DERA: variants seen among roughly 807,000 people sequenced by gnomAD.
The protein encoded by DERA is 2-deoxy-D-ribose 5-phosphate aldolase.
Under a neutral mutation model 41.1 loss-of-function variants are expected in DERA, and 15 were observed. The ratio of observed to expected loss-of-function variants is 0.37; its 90% CI spans 0.24 to 0.56. DERA has a LOEUF of 0.56. Ranked by LOEUF, DERA falls within the 20% of genes least tolerant of loss-of-function variation. The pLI, the probability that DERA is intolerant of heterozygous loss-of-function variation, is 0.81. For synonymous variants in DERA, 139 were observed against 137.4 expected (o/e 1.01, Z -0.08); for missense variants, 396 against 403.4 (o/e 0.98, Z 0.16).
At position 15,981,345 on chromosome 12, in the gene DERA, C is replaced by T. The variant is rs1948731486; in HGVS notation, c.509-963C>T. On this transcript the variant is annotated intron_variant, in intron 5 of 8. Coordinates refer to ENST00000428559, the MANE Select transcript of DERA (RefSeq NM_015954.4). The surrounding 1 kb of genome is among the most constrained non-coding windows in gnomAD (Gnocchi z 6.1). ...CCTGGGTGACAGAGCAAGACTCCATCTCAAAAACCAAAAAACAAAAAACAA... is the reference window on the plus strand; with the variant it reads ...CCTGGGTGACAGAGCAAGACTCCATTTCAAAAACCAAAAAACAAAAAACAA... 6.6e-6 allele frequency among the ~76,000 whole-genome samples: 1 copy of T among 152,052 alleles called. No homozygotes were observed. The highest frequency in any genetic ancestry group is 1.9e-4 in the East Asian group (1 of 5,188).
rs1323304861 is a variant in DERA at position 15,959,347 on chromosome 12, A to T, written c.278-482A>T. Among the ~76,000 whole-genome samples, 9 of 152,134 alleles carry T rather than the reference A, an allele frequency of 5.9e-5. No homozygotes were observed. The highest frequency in any genetic ancestry group is 5.9e-4 in the Admixed American group (9 of 15,268). Reference sequence around the variant, plus strand: ...CTTAAAATCAGGGCTTCCGTTTCAGATTTTATTATTTCTTGCAAAAGAGGG... The same window carrying T: ...CTTAAAATCAGGGCTTCCGTTTCAGTTTTTATTATTTCTTGCAAAAGAGGG... On this transcript the variant is annotated intron_variant, in intron 3 of 8. Coordinates refer to ENST00000428559, the MANE Select transcript of DERA (RefSeq NM_015954.4). This position sits in a 1 kb window ranked among gnomAD's most constrained non-coding sequence, Gnocchi z 4.5.
chr12:15,927,884 T>C (rs904721468), intron 1 of DERA, among the ~76,000 whole-genome samples: 1 of 152,188 alleles, frequency 6.6e-6, no homozygotes, highest in Non-Finnish European at 1.5e-5. Flanking sequence ...TAGATTGATA[T>C]GGCATGGAAT....
rs1275055186 is a variant in DERA, at chr12:15,957,955, A to G, written c.130-233A>G. The stretch of plus-strand genomic sequence containing the variant: ...TTTCAATTTGGGATATCTGTGGGAG[A>G]AAAAAAATGTTTAAGCCTACTCTTC... On this transcript the variant is annotated intron_variant, in intron 2 of 8. Coordinates refer to ENST00000428559, the MANE Select transcript of DERA (RefSeq NM_015954.4). The surrounding 1 kb of genome is among the most constrained non-coding windows in gnomAD (Gnocchi z 4.8). Among the ~76,000 whole-genome samples, 1 of 151,810 alleles carries G rather than the reference A, an allele frequency of 6.6e-6. No homozygotes were observed. Among genetic ancestry groups the G allele is most frequent in the Non-Finnish European group, 1.5e-5 (1 of 67,936 alleles).
At chr12:15,912,735 G>A (rs1343139653) in intron 1 of DERA, among the ~76,000 whole-genome samples, 4 of 152,178 alleles carry the variant, frequency 2.6e-5, no homozygotes, top group Admixed American at 2.0e-4. Flanking sequence ...TAAATTATAT[G>A]TAACACATAC....
chr12:15,998,478 C>T lies in DERA; in HGVS notation c.637+16042C>T, dbSNP rs143582496. 3.2e-3 allele frequency among the ~76,000 whole-genome samples: 485 copies of T among 152,122 alleles called. 4 individuals carry two copies. Among genetic ancestry groups the T allele is most frequent in the African/African-American group, 0.011 (466 of 41,504 alleles). ...GATTACAGGCATCCACCACCATGCC[C>T]GGCTAATTTTCTATTTTTAGTAGAG... is the stretch of plus-strand genomic sequence containing the variant. On this transcript the variant is annotated intron_variant, in intron 6 of 8. Coordinates refer to ENST00000428559, the MANE Select transcript of DERA (RefSeq NM_015954.4). The surrounding 1 kb of genome is among the most constrained non-coding windows in gnomAD (Gnocchi z 4.8).
Position 16,010,640 on chromosome 12 carries a change from A to C in DERA, c.638-21902A>C, listed in dbSNP as rs1199206309. Among the ~76,000 whole-genome samples, 1 of 151,946 alleles carries C rather than the reference A, an allele frequency of 6.6e-6. No individual in the cohort carries two copies. The highest frequency in any genetic ancestry group is 6.6e-5 in the Admixed American group (1 of 15,262). ...TTATGAACAGAAGGAGAGAGGCTGC[A>C]TTGTCTCTATAAGTGGTTAGTAAGT... On this transcript the variant is annotated intron_variant, in intron 6 of 8. Coordinates refer to ENST00000428559, the MANE Select transcript of DERA (RefSeq NM_015954.4). This position sits in a 1 kb window ranked among gnomAD's most constrained non-coding sequence, Gnocchi z 5.5.
Position 16,012,581 on chromosome 12 carries a change from A to G in DERA, c.638-19961A>G, listed in dbSNP as rs1314489034. On this transcript the variant is annotated intron_variant, in intron 6 of 8. Coordinates refer to ENST00000428559, the MANE Select transcript of DERA (RefSeq NM_015954.4). The surrounding 1 kb of genome is among the most constrained non-coding windows in gnomAD (Gnocchi z 4.1). ...GGAGCAGAGCCGAGTTGTTTAGACA[A>G]GAGAGAATAGTCAAGTGCTGTCACA... is the stretch of plus-strand genomic sequence containing the variant. Among the ~76,000 whole-genome samples the G allele has an allele frequency of 6.6e-6, 1 of 152,212 alleles. No homozygotes were observed. The highest frequency in any genetic ancestry group is 1.5e-5 in the Non-Finnish European group (1 of 68,030).
In DERA at chr12:15,976,747, T is replaced by G. The variant is rs1358686253; in HGVS notation, c.509-5561T>G. 6.6e-6 allele frequency among the ~76,000 whole-genome samples: 1 copy of G among 152,220 alleles called. No individual in the cohort carries two copies. The highest frequency in any genetic ancestry group is 2.4e-5 in the African/African-American group (1 of 41,458). On this transcript the variant is annotated intron_variant, in intron 5 of 8. Coordinates refer to ENST00000428559, the MANE Select transcript of DERA (RefSeq NM_015954.4). The surrounding 1 kb of genome is among the most constrained non-coding windows in gnomAD (Gnocchi z 4.1). ...ACCGTTTTAATACTTTTATATTTATTGGCAGAATTTGAGAAGGGTTTGAGC... is the reference window on the plus strand; with the variant it reads ...ACCGTTTTAATACTTTTATATTTATGGGCAGAATTTGAGAAGGGTTTGAGC...
rs1192165466 is a variant in DERA, at chr12:16,011,830, TATAATA to T, written c.638-20706_638-20701del. ...TATTTTGTTCAAACTATTATACCTA[TATAATA>T]ATAATGCCTGTGGATATTTCTGGCA... is the stretch of plus-strand genomic sequence containing the variant. On this transcript the variant is annotated intron_variant, in intron 6 of 8. Transcript: ENST00000428559. This position sits in a 1 kb window ranked among gnomAD's most constrained non-coding sequence, Gnocchi z 4.7. 6.6e-6 allele frequency among the ~76,000 whole-genome samples: 1 copy of T among 152,200 alleles called. No homozygotes were observed. The highest frequency in any genetic ancestry group is 1.5e-5 in the Non-Finnish European group (1 of 68,028).
At position 15,911,370 on chromosome 12, in the gene DERA, G is replaced by A. The variant is rs962845662; in HGVS notation, c.-14G>A. On this transcript the variant is annotated 5_prime_UTR_variant, in exon 1 of 9. Transcript: ENST00000428559. This position sits in a 1 kb window ranked among gnomAD's most constrained non-coding sequence, Gnocchi z 4.5. ...GGGCGCCTACCAGCCGGCAGCTCCG[G>A]AGCTGCCCGCGCCATGTCCGCGCAC... 1.1e-5 allele frequency: 16 copies of A among 1,413,330 alleles called. No homozygotes were observed. Among genetic ancestry groups the A allele is most frequent in the Non-Finnish European group, 1.2e-5 (13 of 1,097,054 alleles). The allele number at this position is 1,413,330 out of a possible 1,614,324, so 87.5% of individuals were successfully genotyped here. A position where few individuals can be genotyped will look rare whatever the true frequency, so the allele number is the denominator to read the frequency against.
intron 1 of DERA, among the ~76,000 whole-genome samples, chr12:15,926,641 C>T (rs1948286777): frequency 1.3e-5 from 2 of 149,984 alleles, no homozygotes; most frequent in Admixed American, 1.3e-4. Flanking sequence ...GAGGCTGAGG[C>T]AGGGGAATGG....
chr12:16,020,184 A>C lies in DERA; in HGVS notation c.638-12358A>C, dbSNP rs1333718480. The stretch of plus-strand genomic sequence containing the variant: ...TATAAATTACCCAATGTATTAGTCC[A>C]CAGGCTGTGCAGGAAGCATGGCTGG... On this transcript the variant is annotated intron_variant, in intron 6 of 8. Transcript: ENST00000428559. This position sits in a 1 kb window ranked among gnomAD's most constrained non-coding sequence, Gnocchi z 5.5. 6.6e-6 allele frequency among the ~76,000 whole-genome samples: 1 copy of C among 152,152 alleles called. No individual in the cohort carries two copies. Among genetic ancestry groups the C allele is most frequent in the Non-Finnish European group, 1.5e-5 (1 of 68,020 alleles).
rs531334805 is a variant in DERA, at chr12:15,938,786, A to T, written c.32-18150A>T. Among the ~76,000 whole-genome samples the T allele has an allele frequency of 1.4e-3, 207 of 152,276 alleles. 4 individuals are homozygous for T. Among genetic ancestry groups the T allele is most frequent in the African/African-American group, 4.9e-3 (205 of 41,558 alleles). ...ATAGTAAATATTTTTATAAGACAAA[A>T]CTTGTCAAATAAGATGTTTCTGTTT... On this transcript the variant is annotated intron_variant, in intron 1 of 8. Transcript: ENST00000428559. This position sits in a 1 kb window ranked among gnomAD's most constrained non-coding sequence, Gnocchi z 4.1.
At chr12:15,946,140 T>C (rs1178767392) in intron 1 of DERA, among the ~76,000 whole-genome samples, 1 of 152,228 alleles carries the variant, frequency 6.6e-6, no homozygotes, top group Non-Finnish European at 1.5e-5. Context: ...CAGTATTTTA[T>C]TGAGGATTTT....
At position 16,001,900 on chromosome 12, in the gene DERA, CA is replaced by C. The variant is rs1217986918; in HGVS notation, c.637+19465del. 3.9e-5 allele frequency among the ~76,000 whole-genome samples: 6 copies of C among 152,276 alleles called. No individual in the cohort carries two copies. Among genetic ancestry groups the C allele is most frequent in the Admixed American group, 1.3e-4 (2 of 15,280 alleles). ...GAAACAAACCCCGGTATGGACTTTTCAGACAAAATACTGCTTTCTTTGCCTA... is the reference window on the plus strand; with the variant it reads ...GAAACAAACCCCGGTATGGACTTTTCGACAAAATACTGCTTTCTTTGCCTA... On this transcript the variant is annotated intron_variant, in intron 6 of 8. Coordinates refer to ENST00000428559, the MANE Select transcript of DERA (RefSeq NM_015954.4). This position sits in a 1 kb window ranked among gnomAD's most constrained non-coding sequence, Gnocchi z 4.1.
intron 1 of DERA, among the ~76,000 whole-genome samples, chr12:15,955,166 G>C (rs142620996): frequency 0.02 from 3,056 of 152,180 alleles, 54 homozygotes; most frequent in Non-Finnish European, 0.032. Flanking sequence ...CTGGCGTGGT[G>C]GCGCACGCCT....
intron 1 of DERA, among the ~76,000 whole-genome samples, chr12:15,929,638 C>A (rs932103209): frequency 3.9e-5 from 6 of 152,104 alleles, no homozygotes; most frequent in Non-Finnish European, 4.4e-5. Context: ...CAGAAAAAGG[C>A]ATTACCAGAG....
rs189200140 is a variant in DERA, at chr12:16,010,361, A to G, written c.638-22181A>G. Among the ~76,000 whole-genome samples, 1 of 152,144 alleles carries G rather than the reference A, an allele frequency of 6.6e-6. No individual in the cohort carries two copies. The highest frequency in any genetic ancestry group is 1.5e-5 in the Non-Finnish European group (1 of 68,030). The stretch of plus-strand genomic sequence containing the variant: ...CTTTCTCCTTGCCTCATGTGTCTTC[A>G]GGAATTTGTGAATGATTCTGATATC... On this transcript the variant is annotated intron_variant, in intron 6 of 8. Transcript: ENST00000428559. This position sits in a 1 kb window ranked among gnomAD's most constrained non-coding sequence, Gnocchi z 5.5.
chr12:16,020,624 C>T lies in DERA; in HGVS notation c.638-11918C>T, dbSNP rs987177515. On this transcript the variant is annotated intron_variant, in intron 6 of 8. Coordinates refer to ENST00000428559, the MANE Select transcript of DERA (RefSeq NM_015954.4). The surrounding 1 kb of genome is among the most constrained non-coding windows in gnomAD (Gnocchi z 5.5). ...GAGAGGTTGGAAGAGTTTGGAGGGC[C>T]CAGAAAAAGACAGGAAGATGAGAGA... Among the ~76,000 whole-genome samples the T allele has an allele frequency of 4.0e-5, 6 of 151,868 alleles. No homozygotes were observed. The highest frequency in any genetic ancestry group is 1.5e-4 in the African/African-American group (6 of 41,354).
Sources: gnomAD v4.1 joint callset for allele counts (sites outside exome capture counted in the v4.1 genomes callset) on GRCh38, gnomAD v4.1.1 for gene constraint, Gnocchi (gnomAD v3.1) non-coding constraint, MANE v1.5 for transcripts, NCBI Gene and HGNC (gene_info 2026-07-23, HGNC 2026-07-21) for gene names.